OXSR1: variants seen among roughly 807,000 people sequenced by gnomAD.
OXSR1 encodes oxidative stress responsive kinase 1, also known as serine/threonine-protein kinase OSR1.
In OXSR1, 24 loss-of-function variants were observed where a neutral mutation model predicts 79.8. The ratio of observed to expected loss-of-function variants is 0.30; its 90% CI spans 0.22 to 0.42. The LOEUF (loss-of-function observed/expected upper bound fraction) is 0.42, where lower values mean the gene tolerates loss of function less well. Among genes scored for constraint, OXSR1 ranks in the 10% least tolerant of loss-of-function variants. The pLI, the probability that OXSR1 is intolerant of heterozygous loss-of-function variation, is 1.00. For missense variants in OXSR1, 430 were observed against 618.4 expected (o/e 0.70, Z 3.23); for synonymous variants, 226 against 209.2 (o/e 1.08, Z -0.69).
chr3:38,207,977 A>C (rs1368637522), intron 4 of OXSR1, among the ~76,000 whole-genome samples: 1 of 138,724 alleles, frequency 7.2e-6, no homozygotes, highest in Admixed American at 7.9e-5. Context: ...CCTTCCATCC[A>C]GACATTGAGG....
At chr3:38,250,652 T>C (rs1006727764) in intron 15 of OXSR1, among the ~76,000 whole-genome samples, 1 of 152,230 alleles carries the variant, frequency 6.6e-6, no homozygotes, top group Non-Finnish European at 1.5e-5. Flanking sequence ...ATCATGCTTA[T>C]TCTTCTTGCT....
chr3:38,175,747 C>T (rs917762123), intron 1 of OXSR1, among the ~76,000 whole-genome samples: 1 of 152,192 alleles, frequency 6.6e-6, no homozygotes, highest in African/African-American at 2.4e-5. Flanking sequence ...AAGTTTCATC[C>T]ATATTTTCTG....
At chr3:38,203,744 C>A (rs1401571130) in intron 4 of OXSR1, among the ~76,000 whole-genome samples, 3 of 152,122 alleles carry the variant, frequency 2.0e-5, no homozygotes, top group Non-Finnish European at 4.4e-5. Flanking sequence ...GACACAAGCA[C>A]CCCTGTGGCT....
chr3:38,242,903 T>C (rs1018762991), intron 12 of OXSR1, 125 bp downstream of exon 12: 2 of 481,480 alleles, frequency 4.2e-6, no homozygotes, highest in South Asian at 1.0e-4. Flanking sequence ...ACCAATCGAA[T>C]TTTAAAAGTT....
chr3:38,185,740 C>T (rs1190857615), intron 2 of OXSR1, among the ~76,000 whole-genome samples: 9 of 151,976 alleles, frequency 5.9e-5, no homozygotes, highest in East Asian at 1.9e-4. Context: ...GCTAGGAGTT[C>T]GAGGTTAGCC....
upstream of OXSR1, chr3:38,164,980 G>C (rs955627023): frequency 2.0e-5 from 3 of 152,316 alleles, no homozygotes; most frequent in Admixed American, 6.5e-5. Flanking sequence ...CGCTCCCTCA[G>C]GGTTTCTCCA....
rs1296423815 is a variant in OXSR1 at position 38,249,995 on chromosome 3, G to T, written c.1352G>T (p.Arg451Leu). Residue 451 changes from arginine (R) to leucine (L), a missense_variant, in exon 15 of 18, where the codon CGA becomes CTA. By Grantham distance (102) the Arg-to-Leu change is moderately radical. Coordinates refer to ENST00000311806, the MANE Select transcript of OXSR1 (RefSeq NM_005109.3). ...RNSKKELNDI[R>L]FEFTPGRDTA... Reference sequence around the variant, plus strand: ...TCCAAAAAAGAACTAAATGATATTCGATTTGAATTTACTCCTGGGAGAGGT... The same window carrying T: ...TCCAAAAAAGAACTAAATGATATTCTATTTGAATTTACTCCTGGGAGAGGT... 2.5e-6 allele frequency: 4 copies of T among 1,593,166 alleles called. No homozygotes were observed. Among genetic ancestry groups the T allele is most frequent in the Admixed American group, 3.4e-5 (2 of 59,104 alleles).
At chr3:38,177,665 G>A (rs910618263) in intron 1 of OXSR1, among the ~76,000 whole-genome samples, 2 of 151,120 alleles carry the variant, frequency 1.3e-5, no homozygotes, top group Non-Finnish European at 3.0e-5. Context: ...GCTCACTGCA[G>A]CATTGACCTC....
At chr3:38,164,240 C>A (rs917418452), upstream of OXSR1, among the ~76,000 whole-genome samples, 1 of 152,140 alleles carries the variant, frequency 6.6e-6, no homozygotes, top group Non-Finnish European at 1.5e-5. Flanking sequence ...TCTCGGGTCA[C>A]TGCAACCTTC....
chr3:38,221,656 C>T lies in OXSR1; in HGVS notation c.569C>T (p.Pro190Leu), dbSNP rs761576446. 1.9e-6 allele frequency: 3 copies of T among 1,610,596 alleles called. No individual in the cohort carries two copies. In the African/African-American group the frequency reaches 4.0e-5, roughly 22 times the overall value. Residue 190 changes from proline (P) to leucine (L), a missense_variant, in exon 6 of 18, where the codon CCT (proline) becomes CTT (leucine). Around this residue, in one of 3 missense-constraint regions of OXSR1, gnomAD observed 145 missense variants for 228.3 expected, o/e 0.64. Coordinates refer to ENST00000311806, the MANE Select transcript of OXSR1 (RefSeq NM_005109.3). ...GTGAGAAAGACCTTTGTTGGCACCC[C>T]TTGTTGGATGGCACCTGAAGTTATG... ...NKVRKTFVGT[P>L]CWMAPEVMEQ...
intron 11 of OXSR1, among the ~76,000 whole-genome samples, chr3:38,240,996 G>A (rs1314175748): frequency 6.6e-6 from 1 of 152,100 alleles, no homozygotes; most frequent in Non-Finnish European, 1.5e-5. Flanking sequence ...GATTAGGCAG[G>A]AATCATCAAT....
intron 5 of OXSR1, among the ~76,000 whole-genome samples, chr3:38,220,207 T>C (rs964848187): frequency 6.6e-6 from 1 of 152,178 alleles, no homozygotes; most frequent in Non-Finnish European, 1.5e-5. Context: ...TAAACTGTAC[T>C]GTATAGACAA....
intron 8 of OXSR1, among the ~76,000 whole-genome samples, chr3:38,228,720 G>A (rs1318248066): frequency 3.9e-5 from 6 of 152,090 alleles, no homozygotes; most frequent in African/African-American, 7.2e-5. Flanking sequence ...ACAGGCGCAC[G>A]CCACCATGCC....
intron 2 of OXSR1, among the ~76,000 whole-genome samples, chr3:38,189,581 G>A (rs897325424): frequency 1.4e-4 from 21 of 152,292 alleles, no homozygotes; most frequent in African/African-American, 4.6e-4. Flanking sequence ...GATTATGGAC[G>A]ACTTTCACAC....
intron 2 of OXSR1, among the ~76,000 whole-genome samples, chr3:38,187,241 C>T (rs1459365352): frequency 2.6e-5 from 4 of 152,126 alleles, no homozygotes; most frequent in African/African-American, 9.7e-5. Context: ...CTCTCATTTT[C>T]TATCCTATTT....
chr3:38,171,680 T>A (rs964999078), intron 1 of OXSR1, among the ~76,000 whole-genome samples: 13 of 151,942 alleles, frequency 8.6e-5, no homozygotes, highest in Non-Finnish European at 1.9e-4. Flanking sequence ...TTTTTTTTTT[T>A]AAAGAATTGT....
rs142235550 is a variant in OXSR1, at chr3:38,230,591, G to A, written c.951+161G>A. ...ATACATTCATTCAGCAAATATCTTT[G>A]GTCTACCATATGCCTTGGTATTACT... On this transcript the variant is annotated intron_variant, in intron 10 of 17. Coordinates refer to ENST00000311806, the MANE Select transcript of OXSR1 (RefSeq NM_005109.3). The A allele has an allele frequency of 7.1e-4, 416 of 588,264 alleles. 1 individual carries two copies. The highest frequency in any genetic ancestry group is 3.6e-3 in the Admixed American group (121 of 33,340). 36.4% of individuals were successfully genotyped at this position (588,264 alleles called of 1,614,324 possible). A position where few individuals can be genotyped will look rare whatever the true frequency, so the allele number is the denominator to read the frequency against.
rs746618723 is a variant in OXSR1 at position 38,182,969 on chromosome 3, C to G, written c.71-34C>G. On this transcript the variant is annotated intron_variant, in intron 1 of 17. Transcript: ENST00000311806. ...AAATGTCATGTTTTTATATATCCAT[C>G]TACTTATTTACTCTTTTATGTATTT... The G allele has an allele frequency of 1.8e-5, 20 of 1,108,658 alleles. 1 individual carries two copies. Among genetic ancestry groups the G allele is most frequent in the Non-Finnish European group, 2.7e-5 (20 of 732,086 alleles). The allele number at this position is 1,108,658 out of a possible 1,614,324, so 68.7% of individuals were successfully genotyped here. A position where few individuals can be genotyped will look rare whatever the true frequency, so the allele number is the denominator to read the frequency against.
At chr3:38,246,789 A>G (rs977386896) in intron 13 of OXSR1, among the ~76,000 whole-genome samples, 2 of 152,164 alleles carry the variant, frequency 1.3e-5, no homozygotes, top group African/African-American at 4.8e-5. Context: ...GTGGGCTGCT[A>G]CATGCTGTGT....
Sources: gnomAD v4.1 joint callset for allele counts (sites outside exome capture counted in the v4.1 genomes callset) on GRCh38, gnomAD v4.1.1 for gene constraint, gnomAD v4.1.1 regional missense constraint, MANE v1.5 for transcripts, NCBI Gene and HGNC (gene_info 2026-07-23, HGNC 2026-07-21) for gene names.